Variants in PTPRD observed in about 807,000 individuals in gnomAD.
PTPRD encodes the protein receptor-type tyrosine-protein phosphatase delta.
PTPRD carries 34 observed loss-of-function variants against 214.5 expected under a neutral mutation model. That is an observed-to-expected ratio of 0.16 (90% CI 0.12 to 0.21). PTPRD has a LOEUF of 0.21. PTPRD is among the 10% of genes least tolerant of loss of function. PTPRD has a pLI of 1.00. For missense variants in PTPRD, 2,545 were observed against 2,398.7 expected (o/e 1.06, Z -1.27); for synonymous variants, 1,128 against 845.7 (o/e 1.33, Z -5.79).
At chr9:8,388,227 C>G (rs78530276) in intron 37 of PTPRD, among the ~76,000 whole-genome samples, 11,004 of 152,192 alleles carry the variant, frequency 0.072, 517 homozygotes, top group Non-Finnish European at 0.099. Flanking sequence ...CACGCCCAGG[C>G]TTAGAGAAAC....
chr9:9,278,199 A>C (rs1946361816), intron 9 of PTPRD, among the ~76,000 whole-genome samples: 1 of 151,288 alleles, frequency 6.6e-6, no homozygotes, highest in African/African-American at 2.4e-5. Flanking sequence ...TCATGTCATA[A>C]ATTATTTGTT....
At chr9:8,604,942 A>T (rs2095115844) in intron 14 of PTPRD, among the ~76,000 whole-genome samples, 1 of 152,198 alleles carries the variant, frequency 6.6e-6, no homozygotes, top group Non-Finnish European at 1.5e-5. Context: ...GAAAGTAAGC[A>T]AGTTATTTTC....
chr9:10,118,196 T>TC (rs2098746164), intron 3 of PTPRD, among the ~76,000 whole-genome samples: 2 of 148,932 alleles, frequency 1.3e-5, no homozygotes, highest in African/African-American at 2.5e-5. Context: ...CTCACATTTA[T>TC]TATCTATCTA....
intron 8 of PTPRD, among the ~76,000 whole-genome samples, chr9:9,431,441 T>C (rs1334183588): frequency 6.6e-5 from 10 of 152,132 alleles, no homozygotes; most frequent in Admixed American, 6.5e-4. Flanking sequence ...TAGGAATGCT[T>C]TTACACTGTT....
chr9:8,483,483 T>G (rs535508607), intron 30 of PTPRD, among the ~76,000 whole-genome samples: 11 of 152,216 alleles, frequency 7.2e-5, no homozygotes, highest in Non-Finnish European at 1.6e-4. Context: ...CCGGGCGCGG[T>G]GGCTCATGCC....
chr9:9,318,459 A>T (rs1421922038), intron 9 of PTPRD, among the ~76,000 whole-genome samples: 1 of 152,128 alleles, frequency 6.6e-6, no homozygotes, highest in African/African-American at 2.4e-5. Flanking sequence ...AAGTAATGGT[A>T]TTTTTGTTTC....
chr9:9,200,555 T>A (rs544460977), intron 9 of PTPRD, among the ~76,000 whole-genome samples: 3 of 152,278 alleles, frequency 2.0e-5, no homozygotes, highest in South Asian at 2.1e-4. Context: ...GACCCAACAC[T>A]CAGAGAATAA....
At chr9:9,753,500 T>C (rs2098541596) in intron 6 of PTPRD, among the ~76,000 whole-genome samples, 1 of 152,016 alleles carries the variant, frequency 6.6e-6, no homozygotes, top group Non-Finnish European at 1.5e-5. Context: ...CCTTTGTTTA[T>C]TTTTTACCAT....
At chr9:8,839,469 C>A (rs1366420673) in intron 11 of PTPRD, among the ~76,000 whole-genome samples, 1 of 152,114 alleles carries the variant, frequency 6.6e-6, no homozygotes. Flanking sequence ...GGACTACAGG[C>A]GGGCACCACC....
intron 3 of PTPRD, among the ~76,000 whole-genome samples, chr9:10,056,211 G>C (rs2097644474): frequency 6.6e-6 from 1 of 151,678 alleles, no homozygotes; most frequent in Admixed American, 6.6e-5. Context: ...ATCCCAGCTA[G>C]TCAGCAGGCT....
At chr9:8,339,900 A>C (rs75936515) in intron 42 of PTPRD, among the ~76,000 whole-genome samples, 1,652 of 152,156 alleles carry the variant, frequency 0.011, 35 homozygotes, top group African/African-American at 0.038. Context: ...CCTTAGAAAA[A>C]CTATGTTGCT....
At chr9:9,747,575 T>C (rs1450113126) in intron 6 of PTPRD, among the ~76,000 whole-genome samples, 1 of 148,420 alleles carries the variant, frequency 6.7e-6, no homozygotes, top group Non-Finnish European at 1.5e-5. Context: ...AGATGGAGTT[T>C]CACTCTTTTC....
intron 10 of PTPRD, among the ~76,000 whole-genome samples, chr9:9,059,786 A>G (rs1480286252): frequency 6.6e-6 from 1 of 152,098 alleles, no homozygotes; most frequent in Non-Finnish European, 1.5e-5. Context: ...CAAATATTAG[A>G]AAATGAAATA....
intron 33 of PTPRD, among the ~76,000 whole-genome samples, chr9:8,458,860 G>A (rs1472283767): frequency 6.6e-6 from 1 of 151,976 alleles, no homozygotes; most frequent in East Asian, 1.9e-4. Flanking sequence ...TTACAGCACG[G>A]ATAATTGAAT....
At chr9:9,870,967 T>C (rs1014284353) in intron 5 of PTPRD, among the ~76,000 whole-genome samples, 6 of 152,234 alleles carry the variant, frequency 3.9e-5, no homozygotes, top group Admixed American at 2.0e-4. Context: ...AATTAAGACA[T>C]ATTAATACTA....
At chr9:9,031,830 C>T (rs551915464) in intron 10 of PTPRD, among the ~76,000 whole-genome samples, 1 of 151,924 alleles carries the variant, frequency 6.6e-6, no homozygotes, top group Non-Finnish European at 1.5e-5. Context: ...TGGGACACGG[C>T]TTCCTGGACG....
intron 2 of PTPRD, among the ~76,000 whole-genome samples, chr9:10,391,257 G>T (rs2098058111): frequency 6.6e-6 from 1 of 151,744 alleles, no homozygotes; most frequent in Non-Finnish European, 1.5e-5. Context: ...AACATATCAG[G>T]ATGAGAGATA....
At chr9:8,926,664 C>A (rs900504364) in intron 11 of PTPRD, among the ~76,000 whole-genome samples, 3 of 152,154 alleles carry the variant, frequency 2.0e-5, no homozygotes, top group African/African-American at 7.2e-5. Flanking sequence ...ATTCCCATGT[C>A]TGAATTCTAT....
At chr9:9,414,516 C>T (rs1314254606) in intron 8 of PTPRD, among the ~76,000 whole-genome samples, 1 of 152,126 alleles carries the variant, frequency 6.6e-6, no homozygotes, top group Admixed American at 6.5e-5. Flanking sequence ...TACGTTTAGT[C>T]CAGGGATATA....
Sources: allele counts gnomAD v4.1 joint callset (sites outside exome capture counted in the v4.1 genomes callset), GRCh38; gene constraint gnomAD v4.1.1; transcripts MANE v1.5; gene names NCBI Gene and HGNC (gene_info 2026-07-23, HGNC 2026-07-21).